SPATS2: variants seen among roughly 807,000 people sequenced by gnomAD.
The protein encoded by SPATS2 is spermatogenesis-associated serine-rich protein 2.
SPATS2 carries 38 observed loss-of-function variants against 63.7 expected under a neutral mutation model. The ratio of observed to expected loss-of-function variants is 0.60; its 90% CI spans 0.46 to 0.78. The LOEUF (loss-of-function observed/expected upper bound fraction) is 0.78. Among genes scored for constraint, SPATS2 ranks in the 30% least tolerant of loss-of-function variants. SPATS2 has a pLI of 0.00. For missense variants in SPATS2, 588 were observed against 666.2 expected (o/e 0.88, Z 1.29); for synonymous variants, 207 against 232.9 (o/e 0.89, Z 1.01).
intron 11 of SPATS2, among the ~76,000 whole-genome samples, chr12:49,519,492 T>G (rs1946902482): frequency 6.6e-6 from 1 of 152,162 alleles, no homozygotes; most frequent in Non-Finnish European, 1.5e-5. Flanking sequence ...TACCACCATC[T>G]CTTGCCTGGA....
intron 10 of SPATS2, among the ~76,000 whole-genome samples, chr12:49,518,758 C>A (rs1024202469): frequency 6.6e-6 from 1 of 152,196 alleles, no homozygotes; most frequent in East Asian, 1.9e-4. Flanking sequence ...ACCCAACTTA[C>A]TCTAGATGAA....
At chr12:49,474,308 G>A (rs549316376) in intron 3 of SPATS2, among the ~76,000 whole-genome samples, 8 of 152,218 alleles carry the variant, frequency 5.3e-5, no homozygotes, top group South Asian at 2.1e-4. Context: ...CTTCTAAGTC[G>A]GTTTAAGAAA....
intron 8 of SPATS2, among the ~76,000 whole-genome samples, chr12:49,498,839 G>T (rs1484258791): frequency 6.7e-6 from 1 of 149,014 alleles, no homozygotes; most frequent in Non-Finnish European, 1.5e-5. Flanking sequence ...TGTCACCCAG[G>T]CTGGAGTGCA....
chr12:49,493,275 C>A (rs1347234037), intron 6 of SPATS2, among the ~76,000 whole-genome samples: 2 of 151,870 alleles, frequency 1.3e-5, no homozygotes, highest in East Asian at 1.9e-4. Flanking sequence ...AGTGGAGCTA[C>A]GAGTTTGACA....
intron 2 of SPATS2, among the ~76,000 whole-genome samples, chr12:49,433,334 T>C (rs1217117847): frequency 6.6e-6 from 1 of 152,182 alleles, no homozygotes; most frequent in Non-Finnish European, 1.5e-5. Flanking sequence ...GGCTAATTTT[T>C]GTATTTTTAG....
intron 2 of SPATS2, among the ~76,000 whole-genome samples, chr12:49,407,040 G>A (rs1199747297): frequency 6.6e-6 from 1 of 152,180 alleles, no homozygotes; most frequent in Non-Finnish European, 1.5e-5. Flanking sequence ...CCCCATTTCA[G>A]TAAATAGACT....
intron 3 of SPATS2, chr12:49,462,529 C>G: frequency 4.4e-6 from 3 of 687,038 alleles, no homozygotes; most frequent in Non-Finnish European, 8.0e-6. Context: ...CCTCTGCCAG[C>G]AAGGGCAAAG....
chr12:49,437,387 G>A (rs1414026109), intron 2 of SPATS2, among the ~76,000 whole-genome samples: 1 of 152,074 alleles, frequency 6.6e-6, no homozygotes. Flanking sequence ...CCAGACGATG[G>A]GCGGCCAGGC....
chr12:49,466,171 T>G (rs368941773), intron 3 of SPATS2, among the ~76,000 whole-genome samples: 178 of 152,074 alleles, frequency 1.2e-3, no homozygotes, highest in African/African-American at 4.0e-3. Flanking sequence ...TTTGGGTTTT[T>G]GGGTTTTTTT....
At chr12:49,494,638 T>C in intron 6 of SPATS2, 103 bp from the exon 7 acceptor site, 3 of 1,117,634 alleles carry the variant, frequency 2.7e-6, no homozygotes, top group Non-Finnish European at 3.7e-6. Context: ...ATACAAGAAA[T>C]TGGTAACATT....
At chr12:49,422,699 G>T (rs1338205844) in intron 2 of SPATS2, among the ~76,000 whole-genome samples, 1 of 152,116 alleles carries the variant, frequency 6.6e-6, no homozygotes, top group Non-Finnish European at 1.5e-5. Context: ...TTGAGCTCCG[G>T]AGTTCGAGAT....
chr12:49,403,739 G>A (rs577979320), intron 2 of SPATS2, among the ~76,000 whole-genome samples: 51 of 152,138 alleles, frequency 3.4e-4, no homozygotes, highest in Admixed American at 1.0e-3. Context: ...ACTGGGTGCT[G>A]GGGAAATGAC....
chr12:49,414,942 T>C (rs1401012597), intron 2 of SPATS2, among the ~76,000 whole-genome samples: 6 of 145,038 alleles, frequency 4.1e-5, no homozygotes, highest in Admixed American at 1.4e-4. Flanking sequence ...TTTCTTTTCT[T>C]TTTTTTTTTT....
chr12:49,491,068 C>T (rs1946374500), intron 6 of SPATS2: 2 of 178,272 alleles, frequency 1.1e-5, no homozygotes, highest in Admixed American at 1.2e-4. Context: ...AACTTGAACC[C>T]AAGAGGCAGA....
chr12:49,502,038 G>A (rs1946575456), intron 9 of SPATS2, among the ~76,000 whole-genome samples: 1 of 152,184 alleles, frequency 6.6e-6, no homozygotes, highest in South Asian at 2.1e-4. Context: ...CAGCTAGGGT[G>A]ATGTTTTGAG....
At chr12:49,420,700 A>T (rs11615299) in intron 2 of SPATS2, among the ~76,000 whole-genome samples, 14,033 of 152,310 alleles carry the variant, frequency 0.092, 756 homozygotes, top group African/African-American at 0.14. Context: ...TCAAAGTACC[A>T]CACATACATA....
At chr12:49,387,096 A>C (rs564882337) in intron 2 of SPATS2, 2 of 152,218 alleles carry the variant, frequency 1.3e-5, no homozygotes, top group South Asian at 4.2e-4. Context: ...TGTGAGGAGC[A>C]AAGAGGACAC....
chr12:49,505,013 T>C (rs1194770727), intron 9 of SPATS2, among the ~76,000 whole-genome samples: 1 of 151,884 alleles, frequency 6.6e-6, no homozygotes, highest in African/African-American at 2.4e-5. Flanking sequence ...GTCCTCCTGC[T>C]TCAGCCTCCC....
chr12:49,431,744 C>T (rs965927720), intron 2 of SPATS2, among the ~76,000 whole-genome samples: 4 of 152,070 alleles, frequency 2.6e-5, no homozygotes, highest in Non-Finnish European at 5.9e-5. Context: ...TAGAAATTGT[C>T]TTGCTAGGGT....
Sources: allele counts gnomAD v4.1 joint callset (sites outside exome capture counted in the v4.1 genomes callset), GRCh38; gene constraint gnomAD v4.1.1; transcripts MANE v1.5; gene names NCBI Gene and HGNC (gene_info 2026-07-23, HGNC 2026-07-21).